Variants in METAP1D observed in about 807,000 individuals in gnomAD.
METAP1D encodes methionine aminopeptidase 1D, mitochondrial.
A neutral mutation model predicts 40.5 loss-of-function variants in METAP1D; 31 were observed. The ratio of observed to expected loss-of-function variants is 0.77; its 90% confidence interval spans 0.58 to 1.03. METAP1D has a LOEUF of 1.03. METAP1D is among the 50% of genes least tolerant of loss of function. The pLI is 0.00. For missense variants in METAP1D, 411 were observed against 420.7 expected, an observed-to-expected ratio of 0.98 and a Z score of 0.20; for synonymous variants, 151 against 146.4, an observed-to-expected ratio of 1.03 and a Z score of -0.22.
At chr2:172,024,754 G>GTGTGTGTGTGTGTGTA (rs1689086273) in intron 1 of METAP1D, among the ~76,000 whole-genome samples, 1 of 90,170 alleles carries the variant, frequency 1.1e-5, no homozygotes. Flanking sequence ...TAGATTGTGT[G>GTGTGTGTGTGTGTGTA]TGTGTGTGTG....
At chr2:172,024,474 C>G (rs1689079116) in intron 1 of METAP1D, among the ~76,000 whole-genome samples, 1 of 152,086 alleles carries the variant, frequency 6.6e-6, no homozygotes. Flanking sequence ...GAAACCCAAA[C>G]CACAAAGCCC....
At chr2:172,065,963 A>G (rs1457712512) in intron 4 of METAP1D, among the ~76,000 whole-genome samples, 1 of 152,200 alleles carries the variant, frequency 6.6e-6, no homozygotes, top group African/African-American at 2.4e-5. Flanking sequence ...CATAATCTAA[A>G]TGGGGGTTGT....
chr2:172,023,538 C>G (rs1161878438), intron 1 of METAP1D, among the ~76,000 whole-genome samples: 1 of 152,148 alleles, frequency 6.6e-6, no homozygotes. Flanking sequence ...TAGTTTGTAT[C>G]TTGATAGATG....
chr2:172,014,894 C>T (rs1323049360), intron 1 of METAP1D, among the ~76,000 whole-genome samples: 2 of 151,462 alleles, frequency 1.3e-5, no homozygotes, highest in African/African-American at 2.4e-5. Flanking sequence ...CCTTGTAATC[C>T]GCCCACCTCA....
At chr2:172,039,433 A>G (rs1157948692) in intron 1 of METAP1D, among the ~76,000 whole-genome samples, 1 of 152,178 alleles carries the variant, frequency 6.6e-6, no homozygotes. Context: ...GTGAACTCCA[A>G]ATTAAAAATG....
In METAP1D at chr2:172,065,740, G is replaced by A. The variant is rs770265784; in HGVS notation, c.485G>A (p.Gly162Asp). 5 of 1,613,538 alleles carry A rather than the reference G, an allele frequency of 3.1e-6. No homozygotes were observed. The highest frequency in any genetic ancestry group is 4.2e-6 in the Non-Finnish European group (5 of 1,179,816). Residue 162 changes from glycine to aspartate, a missense_variant, in exon 4 of 10, where the codon GGT (glycine) becomes GAT (aspartate). Physicochemically the swap from Gly to Asp is moderately conservative, Grantham distance 94 (BLOSUM62 -1). Transcript: ENST00000315796. ...CTSVNNVLCH[G>D]IPDSRPLQDG... ...TCTGTAAACAACGTGCTCTGTCATG[G>A]TATTCCTGACAGGTATTCAGTTCTT...
intron 1 of METAP1D, among the ~76,000 whole-genome samples, chr2:172,007,413 T>C (rs1234541287): frequency 2.0e-5 from 3 of 152,320 alleles, no homozygotes; most frequent in African/African-American, 7.2e-5. Flanking sequence ...CTTTAACATA[T>C]GTTTTAAACA....
At chr2:172,034,349 C>A (rs2105420007) in intron 1 of METAP1D, among the ~76,000 whole-genome samples, 1 of 152,052 alleles carries the variant, frequency 6.6e-6, no homozygotes, top group African/African-American at 2.4e-5. Flanking sequence ...CCCAGATTTG[C>A]CACTTGTAAA....
chr2:172,079,842 G>A (rs1193250496), intron 8 of METAP1D, among the ~76,000 whole-genome samples: 2 of 152,164 alleles, frequency 1.3e-5, no homozygotes, highest in Admixed American at 6.5e-5. Flanking sequence ...TATCCACGGG[G>A]TCCTAATTAA....
intron 1 of METAP1D, among the ~76,000 whole-genome samples, 159 bp downstream of exon 1, chr2:172,000,168 C>T (rs1408860391): frequency 6.6e-6 from 1 of 152,272 alleles, no homozygotes; most frequent in African/African-American, 2.4e-5. Flanking sequence ...ATGACACATT[C>T]ACACACCACA....
chr2:172,062,870 C>G (rs1457822350), intron 2 of METAP1D, among the ~76,000 whole-genome samples: 1 of 152,222 alleles, frequency 6.6e-6, no homozygotes, highest in Non-Finnish European at 1.5e-5. Context: ...CCTCAGCTTC[C>G]TGTCCCAAAC....
At chr2:172,054,197 T>C (rs746117405) in intron 1 of METAP1D, among the ~76,000 whole-genome samples, 1 of 152,166 alleles carries the variant, frequency 6.6e-6, no homozygotes, top group East Asian at 1.9e-4. Flanking sequence ...ATATAGGGCA[T>C]GTTGTGTGCA....
At chr2:172,029,391 C>T (rs1012303607) in intron 1 of METAP1D, among the ~76,000 whole-genome samples, 1 of 152,142 alleles carries the variant, frequency 6.6e-6, no homozygotes, top group Non-Finnish European at 1.5e-5. Context: ...CCACTGCACT[C>T]CAGCATAAGG....
At chr2:172,015,271 G>C (rs1688829966) in intron 1 of METAP1D, among the ~76,000 whole-genome samples, 1 of 152,094 alleles carries the variant, frequency 6.6e-6, no homozygotes, top group African/African-American at 2.4e-5. Flanking sequence ...AATTAGCCAG[G>C]CATGGTGGCG....
intron 1 of METAP1D, among the ~76,000 whole-genome samples, chr2:172,058,872 T>G (rs897789921): frequency 2.0e-5 from 3 of 152,202 alleles, no homozygotes; most frequent in African/African-American, 7.2e-5. Flanking sequence ...CATCAGTGCC[T>G]TTCCCCAAGT....
chr2:172,075,954 G>A (rs973756167), intron 6 of METAP1D, among the ~76,000 whole-genome samples: 2 of 152,134 alleles, frequency 1.3e-5, no homozygotes, highest in Admixed American at 6.5e-5. Flanking sequence ...CAGGACCCAC[G>A]GAGTAAATTG....
chr2:172,013,855 C>G (rs1688787617), intron 1 of METAP1D, among the ~76,000 whole-genome samples: 1 of 146,128 alleles, frequency 6.8e-6, no homozygotes, highest in Non-Finnish European at 1.5e-5. Context: ...GAGTCTTGCT[C>G]TGTCACCCAG....
chr2:172,051,418 A>G (rs1161863465), intron 1 of METAP1D, among the ~76,000 whole-genome samples: 2 of 152,214 alleles, frequency 1.3e-5, no homozygotes, highest in African/African-American at 4.8e-5. Flanking sequence ...GGTGGTGTAC[A>G]TTAGTGAATA....
chr2:172,066,268 C>T lies in METAP1D; in HGVS notation c.502C>T (p.Pro168Ser). The T allele has an allele frequency of 6.2e-7, 1 of 1,610,262 alleles. No individual in the cohort carries two copies. Among genetic ancestry groups the T allele is most frequent in the Non-Finnish European group, 8.5e-7 (1 of 1,178,762 alleles). ...TTTTTTCTGTTTACGTTTTAGTCGA[C>T]CTCTTCAGGATGGAGATATTATCAA... ...VLCHGIPDSRPLQDGDIINID... is the reference protein window; with the variant it reads ...VLCHGIPDSRSLQDGDIINID... Residue 168 changes from proline to serine, a missense_variant, in exon 5 of 10, where the codon CCT becomes TCT. Coordinates refer to ENST00000315796, the MANE Select transcript of METAP1D (RefSeq NM_199227.3).
Sources: allele counts gnomAD v4.1 joint callset (sites outside exome capture counted in the v4.1 genomes callset), GRCh38; gene constraint gnomAD v4.1.1; transcripts MANE v1.5; gene names NCBI Gene and HGNC (gene_info 2026-07-23, HGNC 2026-07-21).